Variants in LYPD6B observed in about 807,000 individuals in gnomAD.
LYPD6B encodes ly6/PLAUR domain-containing protein 6B.
A neutral mutation model predicts 22.8 loss-of-function variants in LYPD6B; 17 were observed. The ratio of observed to expected loss-of-function variants is 0.75; its 90% confidence interval spans 0.51 to 1.12. The LOEUF is 1.12. Ranked by LOEUF, LYPD6B falls within the 50% of genes most tolerant of loss-of-function variation. The probability of loss-of-function intolerance (pLI) is 0.00; values close to 1 mark genes in which losing one functional copy is unlikely to be tolerated. For missense variants in LYPD6B, 221 were observed against 258.3 expected (o/e 0.86, Z 0.99); for synonymous variants, 106 against 91.6 (o/e 1.16, Z -0.90).
At chr2:149,043,676 C>A (rs1391288336) in intron 1 of LYPD6B, among the ~76,000 whole-genome samples, 2 of 152,176 alleles carry the variant, frequency 1.3e-5, no homozygotes, top group South Asian at 4.1e-4. Flanking sequence ...ATACATCCAA[C>A]TTTTATTGTT....
chr2:149,183,611 C>T (rs1691892594), intron 3 of LYPD6B, among the ~76,000 whole-genome samples: 1 of 152,054 alleles, frequency 6.6e-6, no homozygotes, highest in African/African-American at 2.4e-5. Flanking sequence ...TTTTAGAATA[C>T]ATGTAGTAGA....
chr2:149,074,936 G>A (rs937174303), intron 1 of LYPD6B, among the ~76,000 whole-genome samples: 2 of 152,056 alleles, frequency 1.3e-5, no homozygotes, highest in Non-Finnish European at 2.9e-5. Flanking sequence ...TTTTCTGCAA[G>A]GCAACCCATA....
chr2:149,143,447 G>A (rs749107619), intron 2 of LYPD6B, among the ~76,000 whole-genome samples: 2 of 148,304 alleles, frequency 1.3e-5, no homozygotes, highest in Non-Finnish European at 3.0e-5. Flanking sequence ...ACAAGACTAC[G>A]CCATGTTTTT....
intron 6 of LYPD6B, among the ~76,000 whole-genome samples, chr2:149,213,402 A>G (rs1005014564): frequency 9.2e-5 from 14 of 152,198 alleles, no homozygotes; most frequent in African/African-American, 3.1e-4. Flanking sequence ...CCGTACAAAC[A>G]TAAAATGGAG....
intron 2 of LYPD6B, among the ~76,000 whole-genome samples, chr2:149,150,239 G>A (rs984931408): frequency 3.3e-5 from 5 of 152,138 alleles, no homozygotes; most frequent in African/African-American, 1.2e-4. Flanking sequence ...GTGTGGAGCT[G>A]TTGTATTGCT....
intron 3 of LYPD6B, among the ~76,000 whole-genome samples, chr2:149,165,571 C>T (rs925477140): frequency 6.6e-6 from 1 of 152,134 alleles, no homozygotes; most frequent in Non-Finnish European, 1.5e-5. Context: ...TTACTATATG[C>T]CCAGCACTAT....
intron 3 of LYPD6B, 57 bp downstream of exon 3, chr2:149,160,892 A>G (rs895216549): frequency 3.0e-5 from 39 of 1,301,690 alleles, no homozygotes; most frequent in Middle Eastern, 3.9e-4. Context: ...GCTCTGGTTA[A>G]GTTGTTGGGA....
At chr2:149,054,593 T>C (rs1434955874) in intron 1 of LYPD6B, among the ~76,000 whole-genome samples, 1 of 152,130 alleles carries the variant, frequency 6.6e-6, no homozygotes, top group East Asian at 1.9e-4. Flanking sequence ...ACACGAAAGG[T>C]TTTAATTTTG....
At chr2:149,110,581 C>A (rs780245840) in intron 1 of LYPD6B, among the ~76,000 whole-genome samples, 12 of 152,010 alleles carry the variant, frequency 7.9e-5, no homozygotes, top group Non-Finnish European at 1.6e-4. Flanking sequence ...TTCTGAGTAC[C>A]GTATCATAAG....
intron 3 of LYPD6B, among the ~76,000 whole-genome samples, chr2:149,189,459 A>T (rs1262755896): frequency 6.7e-6 from 1 of 149,864 alleles, no homozygotes; most frequent in Admixed American, 6.7e-5. Flanking sequence ...TGTGTTTTTA[A>T]TCTTAAAAAT....
rs139062303 is a variant in LYPD6B at position 149,178,669 on chromosome 2, T to C, written c.77+17834T>C. On this transcript the variant is annotated intron_variant, in intron 3 of 6. Coordinates refer to ENST00000409642, the MANE Select transcript of LYPD6B (RefSeq NM_177964.5). The stretch of plus-strand genomic sequence containing the variant: ...GCCTTTAATGCTTTCTTCCTGATAC[T>C]AATACATTGTAGACATGATCTTCTA... 1.4e-3 allele frequency among the ~76,000 whole-genome samples: 208 copies of C among 152,376 alleles called. 1 individual carries two copies. The highest frequency in any genetic ancestry group is 6.8e-3 in the Middle Eastern group (2 of 294).
intron 1 of LYPD6B, among the ~76,000 whole-genome samples, chr2:149,091,199 G>T (rs1261545188): frequency 6.6e-6 from 1 of 151,912 alleles, no homozygotes; most frequent in Non-Finnish European, 1.5e-5. Context: ...ATTCTATTTT[G>T]TTGCTGCCTC....
At chr2:149,097,810 T>C (rs1453577181) in intron 1 of LYPD6B, among the ~76,000 whole-genome samples, 1 of 152,216 alleles carries the variant, frequency 6.6e-6, no homozygotes, top group African/African-American at 2.4e-5. Context: ...GAAAAGTCAA[T>C]GGCTGTTGAT....
chr2:149,145,243 A>T (rs1688945761), intron 2 of LYPD6B, among the ~76,000 whole-genome samples: 1 of 152,280 alleles, frequency 6.6e-6, no homozygotes, highest in African/African-American at 2.4e-5. Context: ...CAATAGCTTC[A>T]TCCATTCACA....
chr2:149,102,228 A>G (rs1686247389), intron 1 of LYPD6B, among the ~76,000 whole-genome samples: 1 of 152,250 alleles, frequency 6.6e-6, no homozygotes, highest in Non-Finnish European at 1.5e-5. Flanking sequence ...GTTCATAAAT[A>G]ATAATGATGG....
chr2:149,159,986 T>C (rs229333), intron 2 of LYPD6B, among the ~76,000 whole-genome samples: 120,505 of 151,952 alleles, frequency 0.79, 48,013 homozygotes, highest in Non-Finnish European at 0.83. Flanking sequence ...CAAGTTGATG[T>C]ATAAAATTAG....
At chr2:149,178,873 C>T (rs577131468) in intron 3 of LYPD6B, among the ~76,000 whole-genome samples, 23 of 152,246 alleles carry the variant, frequency 1.5e-4, no homozygotes, top group South Asian at 6.2e-4. Flanking sequence ...GAATGAGAGG[C>T]GGCCATTTAG....
chr2:149,142,122 T>C (rs1375115739), intron 2 of LYPD6B: 1 of 152,248 alleles, frequency 6.6e-6, no homozygotes, highest in Non-Finnish European at 1.5e-5. Flanking sequence ...TTTTAAAAAA[T>C]ACTGGTGTTC....
At chr2:149,186,481 A>G (rs1575144041) in intron 3 of LYPD6B, among the ~76,000 whole-genome samples, 1 of 152,238 alleles carries the variant, frequency 6.6e-6, no homozygotes, top group Non-Finnish European at 1.5e-5. Context: ...GAAAGAAGCC[A>G]TGCCCATAAC....
Sources: allele counts gnomAD v4.1 joint callset (sites outside exome capture counted in the v4.1 genomes callset), GRCh38; gene constraint gnomAD v4.1.1; transcripts MANE v1.5; gene names NCBI Gene and HGNC (gene_info 2026-07-23, HGNC 2026-07-21).